Variants in CDH12 observed in about 807,000 individuals in gnomAD.
CDH12 encodes cadherin 12.
Under a neutral mutation model 74.1 loss-of-function variants are expected in CDH12, and 41 were observed. That is an observed-to-expected ratio of 0.55 (90% CI 0.43 to 0.72). CDH12 has a LOEUF of 0.72. CDH12 is among the 30% of genes least tolerant of loss of function. The probability of loss-of-function intolerance (pLI) is 0.00; values close to 1 mark genes in which losing one functional copy is unlikely to be tolerated. For missense variants in CDH12, 945 were observed against 977.2 expected (o/e 0.97, Z 0.44); for synonymous variants, 399 against 355.0 (o/e 1.12, Z -1.39).
intron 8 of CDH12, among the ~76,000 whole-genome samples, chr5:21,838,607 T>C (rs939073528): frequency 6.6e-6 from 1 of 152,068 alleles, no homozygotes; most frequent in African/African-American, 2.4e-5. Flanking sequence ...CCTTATCCTC[T>C]ACATTTTTTG....
chr5:21,880,484 T>C (rs1752192133), intron 6 of CDH12, among the ~76,000 whole-genome samples: 3 of 36,316 alleles, frequency 8.3e-5, no homozygotes, highest in Middle Eastern at 0.019. Context: ...CCTTCCTTCC[T>C]TCCTTCCTTC....
At chr5:22,734,787 C>G (rs752682867) in intron 1 of CDH12, among the ~76,000 whole-genome samples, 1 of 151,794 alleles carries the variant, frequency 6.6e-6, no homozygotes, top group Non-Finnish European at 1.5e-5. Flanking sequence ...TCACAAGAAC[C>G]GTTGTAAACC....
At chr5:22,321,911 T>C (rs377167179) in intron 3 of CDH12, among the ~76,000 whole-genome samples, 2 of 152,268 alleles carry the variant, frequency 1.3e-5, no homozygotes, top group South Asian at 2.1e-4. Context: ...GAGAGTAAAA[T>C]TTCAGACCAA....
intron 1 of CDH12, among the ~76,000 whole-genome samples, chr5:22,526,052 C>T (rs933557602): frequency 6.6e-6 from 1 of 152,014 alleles, no homozygotes; most frequent in Non-Finnish European, 1.5e-5. Flanking sequence ...ATAAATCTTT[C>T]TTTCTCAAAG....
chr5:22,692,529 A>G (rs1036653701), intron 1 of CDH12, among the ~76,000 whole-genome samples: 1 of 152,150 alleles, frequency 6.6e-6, no homozygotes. Context: ...AAAAAAAGGA[A>G]TGCAGATCAA....
chr5:22,534,092 T>C (rs1181659280), intron 1 of CDH12, among the ~76,000 whole-genome samples: 1 of 152,212 alleles, frequency 6.6e-6, no homozygotes, highest in African/African-American at 2.4e-5. Flanking sequence ...TGATGTGCTC[T>C]TATGTTAAGA....
intron 4 of CDH12, among the ~76,000 whole-genome samples, chr5:22,165,677 T>C (rs550140926): frequency 6.6e-6 from 1 of 152,144 alleles, no homozygotes; most frequent in Non-Finnish European, 1.5e-5. Flanking sequence ...CATCCCCAGA[T>C]AGGCATTCTA....
intron 3 of CDH12, among the ~76,000 whole-genome samples, chr5:22,361,395 G>A (rs1399396791): frequency 6.6e-6 from 1 of 152,114 alleles, no homozygotes; most frequent in Non-Finnish European, 1.5e-5. Context: ...CCTCTTCAAG[G>A]AGAACTACAA....
At chr5:22,432,115 A>G (rs1744198647) in intron 2 of CDH12, among the ~76,000 whole-genome samples, 1 of 152,110 alleles carries the variant, frequency 6.6e-6, no homozygotes, top group South Asian at 2.1e-4. Flanking sequence ...TAAGTGCGGT[A>G]TTGAAGTGTA....
At chr5:22,165,036 T>TA (rs1748602913) in intron 4 of CDH12, among the ~76,000 whole-genome samples, 1 of 149,030 alleles carries the variant, frequency 6.7e-6, no homozygotes. Flanking sequence ...ACCTGCTGTG[T>TA]AAACATTTTC....
At chr5:22,256,499 A>G (rs1242915870) in intron 3 of CDH12, among the ~76,000 whole-genome samples, 1 of 152,192 alleles carries the variant, frequency 6.6e-6, no homozygotes, top group Non-Finnish European at 1.5e-5. Flanking sequence ...ACTGGTTTAT[A>G]TATTTACTAT....
intron 5 of CDH12, among the ~76,000 whole-genome samples, chr5:22,048,358 A>C (rs1740111792): frequency 6.6e-6 from 1 of 152,200 alleles, no homozygotes; most frequent in Admixed American, 6.5e-5. Context: ...AGTGTAGTAC[A>C]TCCATCAGTA....
At chr5:22,123,679 G>GCCTTTGTA (rs1438911750) in intron 4 of CDH12, among the ~76,000 whole-genome samples, 1 of 152,054 alleles carries the variant, frequency 6.6e-6, no homozygotes. Context: ...AAAATGTGTT[G>GCCTTTGTA]CCTTTGTATT....
chr5:21,773,107 G>A, intron 11 of CDH12, among the ~76,000 whole-genome samples: 1 of 152,112 alleles, frequency 6.6e-6, no homozygotes, highest in Non-Finnish European at 1.5e-5. Context: ...TTATGGTGAT[G>A]TTAATGATTA....
intron 1 of CDH12, among the ~76,000 whole-genome samples, chr5:22,641,316 T>C (rs1393089289): frequency 6.6e-6 from 1 of 152,068 alleles, no homozygotes; most frequent in Non-Finnish European, 1.5e-5. Context: ...AACCCTAAAG[T>C]CTTGGAGTTC....
intron 12 of CDH12, among the ~76,000 whole-genome samples, chr5:21,764,520 A>G (rs1409013077): frequency 6.6e-6 from 1 of 151,254 alleles, no homozygotes. Flanking sequence ...ATGGTGGCGC[A>G]TGCCTATAAT....
chr5:22,813,877 ACT>A (rs770205183), intron 1 of CDH12, among the ~76,000 whole-genome samples: 14 of 152,070 alleles, frequency 9.2e-5, no homozygotes, highest in Non-Finnish European at 1.3e-4. Context: ...GCTTTCTGAC[ACT>A]CTGCAGCAAA....
At chr5:22,209,305 G>A (rs1751399385) in intron 4 of CDH12, among the ~76,000 whole-genome samples, 1 of 152,276 alleles carries the variant, frequency 6.6e-6, no homozygotes, top group Middle Eastern at 3.4e-3. Context: ...GTGGACATAT[G>A]GGAAAGTTTA....
At chr5:22,416,225 C>T (rs1430803089) in intron 2 of CDH12, among the ~76,000 whole-genome samples, 7 of 150,894 alleles carry the variant, frequency 4.6e-5, no homozygotes, top group Non-Finnish European at 8.9e-5. Flanking sequence ...CAGGCGCCCG[C>T]CACCACGCCC....
Sources: allele counts gnomAD v4.1 joint callset (sites outside exome capture counted in the v4.1 genomes callset), GRCh38; gene constraint gnomAD v4.1.1; transcripts MANE v1.5; gene names NCBI Gene and HGNC (gene_info 2026-07-23, HGNC 2026-07-21).